C8orf34: variants seen among roughly 807,000 people sequenced by gnomAD.
The protein encoded by C8orf34 is chromosome 8 open reading frame 34, also known as uncharacterized protein C8orf34.
In C8orf34, 65 loss-of-function variants were observed where a neutral mutation model predicts 68.3. The ratio of observed to expected loss-of-function variants is 0.95; its 90% CI spans 0.78 to 1.17. The LOEUF is 1.17. Among genes scored for constraint, C8orf34 ranks in the 50% most tolerant of loss-of-function variants. The probability of loss-of-function intolerance (pLI) is 0.00; values close to 1 mark genes in which losing one functional copy is unlikely to be tolerated. For missense variants in C8orf34, 664 were observed against 655.4 expected (o/e 1.01, Z -0.14); for synonymous variants, 244 against 241.2 (o/e 1.01, Z -0.11).
At chr8:68,718,415 C>G (rs530199222) in intron 9 of C8orf34, among the ~76,000 whole-genome samples, 1 of 152,228 alleles carries the variant, frequency 6.6e-6, no homozygotes, top group Non-Finnish European at 1.5e-5. Flanking sequence ...AATAATATAT[C>G]AAAAATGTGT....
At chr8:68,334,362 T>C (rs1000355502) in intron 1 of C8orf34, among the ~76,000 whole-genome samples, 60 of 151,906 alleles carry the variant, frequency 3.9e-4, no homozygotes, top group African/African-American at 1.3e-3. Flanking sequence ...AGATGAAAAA[T>C]ACATTTCACA....
rs78507846 is a variant in C8orf34 at position 68,753,543 on chromosome 8, A to G, written c.1405-22856A>G. On this transcript the variant is annotated intron_variant, in intron 10 of 13. Transcript: ENST00000518698. ...AGATAAGATTTCAAGGGAGGATTGAACTTGATCTTTGTTATCACAGAAATT... is the reference window on the plus strand; with the variant it reads ...AGATAAGATTTCAAGGGAGGATTGAGCTTGATCTTTGTTATCACAGAAATT... 9.7e-3 allele frequency among the ~76,000 whole-genome samples: 1,473 copies of G among 152,316 alleles called. 12 individuals carry two copies. Among genetic ancestry groups the G allele is most frequent in the Non-Finnish European group, 0.017 (1,162 of 68,022 alleles).
At chr8:68,725,182 T>C (rs1297553491) in intron 10 of C8orf34, among the ~76,000 whole-genome samples, 2 of 152,204 alleles carry the variant, frequency 1.3e-5, no homozygotes, top group Non-Finnish European at 2.9e-5. Flanking sequence ...TCTATTTTGC[T>C]GTAAAAGTAT....
At chr8:68,557,791 A>G (rs1816299424) in intron 7 of C8orf34, among the ~76,000 whole-genome samples, 1 of 152,206 alleles carries the variant, frequency 6.6e-6, no homozygotes, top group South Asian at 2.1e-4. Context: ...TTCACTCTGT[A>G]ATAACAAAGA....
intron 2 of C8orf34, among the ~76,000 whole-genome samples, chr8:68,444,334 A>G (rs1811035199): frequency 1.3e-5 from 2 of 151,986 alleles, no homozygotes; most frequent in African/African-American, 2.4e-5. Flanking sequence ...CATTGAGTCC[A>G]CTTTCTTTTA....
At chr8:68,514,425 G>A (rs1358999892) in intron 5 of C8orf34, among the ~76,000 whole-genome samples, 1 of 152,156 alleles carries the variant, frequency 6.6e-6, no homozygotes, top group Non-Finnish European at 1.5e-5. Context: ...TATCATGCAA[G>A]GCAACCAGGG....
chr8:68,572,087 A>C (rs1029368040), intron 7 of C8orf34, among the ~76,000 whole-genome samples: 1 of 152,164 alleles, frequency 6.6e-6, no homozygotes, highest in Non-Finnish European at 1.5e-5. Flanking sequence ...ATTGTAATAT[A>C]ATGGCAAGTA....
In C8orf34 at chr8:68,331,065, G is replaced by A. The variant is rs1315776456; in HGVS notation, c.53G>A (p.Gly18Asp). Residue 18 changes from glycine (G) to aspartate (D), a missense_variant, in exon 1 of 14, where the codon GGC becomes GAC. Transcript: ENST00000518698. ...TCTGAGTTGGCGGCGCTGCGCCCAG[G>A]CTTCCGGCTCTCAGCGCCCCACGCG... ...ELSELAALRP[G>D]FRLSAPHARV... The A allele has an allele frequency of 1.3e-6, 2 of 1,484,976 alleles. No homozygotes were observed. The highest frequency in any genetic ancestry group is 2.8e-5 in the East Asian group (1 of 36,042). 92.0% of individuals were successfully genotyped at this position (1,484,976 alleles called of 1,614,324 possible). A position where few individuals can be genotyped will look rare whatever the true frequency, so the allele number is the denominator to read the frequency against.
At chr8:68,398,644 CACTTTA>C (rs1808819146) in intron 1 of C8orf34, among the ~76,000 whole-genome samples, 2 of 152,168 alleles carry the variant, frequency 1.3e-5, no homozygotes, top group East Asian at 1.9e-4. Context: ...TTATGTTGTA[CACTTTA>C]ACTTATACAC....
chr8:68,701,349 T>A (rs938356309), intron 8 of C8orf34, among the ~76,000 whole-genome samples: 10 of 152,126 alleles, frequency 6.6e-5, no homozygotes, highest in Non-Finnish European at 1.3e-4. Context: ...TAGAATCAGA[T>A]AATACTTTAT....
intron 8 of C8orf34, among the ~76,000 whole-genome samples, chr8:68,665,109 GT>G (rs1426623294): frequency 2.0e-5 from 3 of 152,158 alleles, no homozygotes; most frequent in Non-Finnish European, 4.4e-5. Flanking sequence ...GATGACAGAA[GT>G]TTGGGAAAAA....
chr8:68,806,591 A>G (rs950172558), intron 12 of C8orf34, among the ~76,000 whole-genome samples: 4 of 152,014 alleles, frequency 2.6e-5, no homozygotes, highest in Admixed American at 6.6e-5. Flanking sequence ...AACATTTTCC[A>G]TTTGTCTTTT....
At chr8:68,771,564 C>T (rs1026914181) in intron 10 of C8orf34, among the ~76,000 whole-genome samples, 1 of 152,166 alleles carries the variant, frequency 6.6e-6, no homozygotes, top group Non-Finnish European at 1.5e-5. Context: ...TGTGTCTGGG[C>T]CCTTACCCCA....
intron 3 of C8orf34, among the ~76,000 whole-genome samples, chr8:68,464,717 T>C (rs968924290): frequency 1.3e-5 from 2 of 150,480 alleles, no homozygotes; most frequent in African/African-American, 4.9e-5. Context: ...CCCTATTTAA[T>C]AAATGGTGCT....
At chr8:68,452,229 ATAT>A (rs2129627602) in intron 3 of C8orf34, among the ~76,000 whole-genome samples, 1 of 150,008 alleles carries the variant, frequency 6.7e-6, no homozygotes, top group Admixed American at 6.7e-5. Context: ...ATAATAATTG[ATAT>A]TATATAATAT....
chr8:68,434,746 A>G (rs1430044269), intron 1 of C8orf34, among the ~76,000 whole-genome samples: 1 of 152,152 alleles, frequency 6.6e-6, no homozygotes, highest in Non-Finnish European at 1.5e-5. Context: ...GATAAAAAAC[A>G]ATATTAAGAG....
At chr8:68,791,751 G>C (rs1296489041) in intron 12 of C8orf34, 1 of 152,142 alleles carries the variant, frequency 6.6e-6, no homozygotes, top group Admixed American at 6.6e-5. Context: ...TGTAACAATA[G>C]GTAATTTGGC....
intron 7 of C8orf34, among the ~76,000 whole-genome samples, chr8:68,608,038 A>G (rs1195673309): frequency 6.9e-6 from 1 of 145,344 alleles, no homozygotes; most frequent in Non-Finnish European, 1.5e-5. Flanking sequence ...GAAACAATAT[A>G]GTAGTTTTTA....
intron 1 of C8orf34, among the ~76,000 whole-genome samples, chr8:68,380,721 A>G (rs1239244667): frequency 6.6e-6 from 1 of 152,262 alleles, no homozygotes; most frequent in Non-Finnish European, 1.5e-5. Context: ...TAAGACAATG[A>G]TGAGCTCAGC....
Sources: allele counts gnomAD v4.1 joint callset (sites outside exome capture counted in the v4.1 genomes callset), GRCh38; gene constraint gnomAD v4.1.1; transcripts MANE v1.5; gene names NCBI Gene and HGNC (gene_info 2026-07-23, HGNC 2026-07-21).